The following GSE1 variants were observed in gnomAD, a reference collection of about 807,000 sequenced individuals.
The protein encoded by GSE1 is Gse1 coiled-coil protein.
Under a neutral mutation model 112.6 loss-of-function variants are expected in GSE1, and 32 were observed. That is an observed-to-expected ratio of 0.28 (90% CI 0.21 to 0.38). GSE1 has a LOEUF of 0.38. Ranked by LOEUF, GSE1 falls within the 10% of genes least tolerant of loss-of-function variation. GSE1 has a pLI of 1.00. For synonymous variants in GSE1, 1,115 were observed against 735.6 expected (o/e 1.52, Z -8.35); for missense variants, 2,348 against 1,699.2 (o/e 1.38, Z -6.71).
intron 1 of GSE1, among the ~76,000 whole-genome samples, chr16:85,221,448 TACACACACACAC>T (rs554041756): frequency 1.3e-5 from 2 of 150,744 alleles, no homozygotes; most frequent in African/African-American, 2.4e-5. Context: ...TGCACATGTG[TACACACACACAC>T]ACAGACGCAC....
intron 1 of GSE1, among the ~76,000 whole-genome samples, chr16:85,191,791 C>T (rs1297200278): frequency 6.6e-6 from 1 of 152,170 alleles, no homozygotes; most frequent in African/African-American, 2.4e-5. Context: ...GCTGATGCAA[C>T]ACGTATGGGA....
intron 13 of GSE1, 69 bp from the exon 14 acceptor site, chr16:85,668,071 C>G (rs1598708858): frequency 2.5e-6 from 3 of 1,193,300 alleles, no homozygotes; most frequent in Non-Finnish European, 3.6e-6. Flanking sequence ...CAGAGCAGAG[C>G]TCCCTTCTGA....
At chr16:85,250,295 G>A (rs1293921354) in intron 1 of GSE1, among the ~76,000 whole-genome samples, 1 of 152,234 alleles carries the variant, frequency 6.6e-6, no homozygotes, top group East Asian at 1.9e-4. Flanking sequence ...AGAGGTTCTC[G>A]TGGCGCCCTG....
chr16:85,343,753 A>G (rs2046673300), intron 1 of GSE1, among the ~76,000 whole-genome samples: 1 of 152,182 alleles, frequency 6.6e-6, no homozygotes, highest in African/African-American at 2.4e-5. Context: ...TGACTCAAAA[A>G]AAGTTGAAAT....
At chr16:85,342,881 G>A (rs376331342) in intron 1 of GSE1, among the ~76,000 whole-genome samples, 10 of 150,594 alleles carry the variant, frequency 6.6e-5, no homozygotes, top group Admixed American at 5.9e-4. Context: ...TGCACAAATT[G>A]TACCCCTCTC....
intron 2 of GSE1, among the ~76,000 whole-genome samples, chr16:85,518,651 G>A (rs1274461131): frequency 3.9e-5 from 6 of 152,040 alleles, no homozygotes; most frequent in African/African-American, 1.4e-4. Flanking sequence ...TTATGCATAG[G>A]TGAGGTTCAG....
intron 1 of GSE1, among the ~76,000 whole-genome samples, chr16:85,592,018 AG>A (rs2047021820): frequency 6.6e-6 from 1 of 152,204 alleles, no homozygotes; most frequent in South Asian, 2.1e-4. Flanking sequence ...CGTCAGTTTA[AG>A]GCTAAGTAGC....
intron 2 of GSE1, chr16:85,490,047 A>C (rs1220788080): frequency 6.6e-6 from 1 of 152,308 alleles, no homozygotes; most frequent in African/African-American, 2.4e-5. Flanking sequence ...TTCAGAACTG[A>C]GAGAGAAGAA....
At chr16:85,589,153 C>T (rs1277460031) in intron 1 of GSE1, among the ~76,000 whole-genome samples, 2 of 152,168 alleles carry the variant, frequency 1.3e-5, no homozygotes, top group Admixed American at 1.3e-4. Flanking sequence ...AGGCCCCACC[C>T]CCACCGGCTT....
rs574985932 is a variant in GSE1, at chr16:85,658,210, C to T, written c.1640+606C>T. Among the ~76,000 whole-genome samples, 7 of 152,282 alleles carry T rather than the reference C, an allele frequency of 4.6e-5. No individual in the cohort carries two copies. In the East Asian group the frequency reaches 7.7e-4, roughly 17 times the overall value. Reference sequence around the variant, plus strand: ...CCTGCCCCTGCCTGCCCTGGGATTCCTGCCTTGGGGCTGTGCTGGTCCCAG... The same window carrying T: ...CCTGCCCCTGCCTGCCCTGGGATTCTTGCCTTGGGGCTGTGCTGGTCCCAG... On this transcript the variant is annotated intron_variant, in intron 8 of 15. Transcript: ENST00000253458.
At chr16:85,398,626 T>C (rs2048021164) in intron 2 of GSE1, among the ~76,000 whole-genome samples, 2 of 152,126 alleles carry the variant, frequency 1.3e-5, no homozygotes, top group African/African-American at 4.8e-5. Flanking sequence ...GCTGCATGAC[T>C]CTGGACCTCA....
At chr16:85,525,356 G>A (rs551701442) in intron 2 of GSE1, among the ~76,000 whole-genome samples, 3 of 142,156 alleles carry the variant, frequency 2.1e-5, no homozygotes. Flanking sequence ...GGCTCAGCCC[G>A]AGGGAAGGGC....
At chr16:85,553,601 G>A (rs1230053790), upstream of GSE1, among the ~76,000 whole-genome samples, 3 of 152,134 alleles carry the variant, frequency 2.0e-5, no homozygotes, top group South Asian at 2.1e-4. Flanking sequence ...CCCGGCGGTC[G>A]AGCCCCGGAG....
At chr16:85,408,463 A>G (rs1446947931) in intron 2 of GSE1, among the ~76,000 whole-genome samples, 1 of 53,466 alleles carries the variant, frequency 1.9e-5, no homozygotes, top group Non-Finnish European at 3.6e-5. Context: ...GGACCCCTGG[A>G]TAATCCTCAC....
At chr16:85,260,405 T>A (rs1218671860) in intron 1 of GSE1, among the ~76,000 whole-genome samples, 1 of 141,468 alleles carries the variant, frequency 7.1e-6, no homozygotes, top group African/African-American at 2.7e-5. Flanking sequence ...CTCACTGCAA[T>A]TCTACCTCCT....
chr16:85,404,025 G>T (rs1261173141), intron 2 of GSE1, among the ~76,000 whole-genome samples: 1 of 148,824 alleles, frequency 6.7e-6, no homozygotes, highest in Non-Finnish European at 1.5e-5. Context: ...TCCTTACGGG[G>T]CCTTTCCTCT....
At chr16:85,223,157 A>G (rs1212091121) in intron 1 of GSE1, among the ~76,000 whole-genome samples, 1 of 152,168 alleles carries the variant, frequency 6.6e-6, no homozygotes, top group African/African-American at 2.4e-5. Context: ...TATGGTTATT[A>G]TAAATCCTAC....
intron 1 of GSE1, among the ~76,000 whole-genome samples, chr16:85,331,987 G>A (rs1472061822): frequency 1.3e-5 from 2 of 152,076 alleles, no homozygotes; most frequent in Non-Finnish European, 2.9e-5. Context: ...TCACCTTTAT[G>A]GCAATTCTGC....
Position 85,663,424 on chromosome 16 carries a change from G to C in GSE1, c.2454G>C (p.Arg818=). Residue 818 remains arginine, a synonymous_variant, in exon 11 of 16, where the codon CGG becomes CGC. Coordinates refer to ENST00000253458, the MANE Select transcript of GSE1 (RefSeq NM_014615.5). The part of the protein sequence containing the change: ...EELVAQKRRK[R]RRMLRERSPS... ...TGGTGGCCCAGAAGCGGAGGAAGCG[G>C]CGGAGGATGCTGCGAGAGAGAAGCC... 6.2e-7 allele frequency: 1 copy of C among 1,613,910 alleles called. No individual in the cohort carries two copies. Among genetic ancestry groups the C allele is most frequent in the Non-Finnish European group, 8.5e-7 (1 of 1,180,030 alleles).
Sources: allele counts gnomAD v4.1 joint callset (sites outside exome capture counted in the v4.1 genomes callset), GRCh38; gene constraint gnomAD v4.1.1; transcripts MANE v1.5; gene names NCBI Gene and HGNC (gene_info 2026-07-23, HGNC 2026-07-21).